Variants in SLC30A8 observed in about 807,000 individuals in gnomAD.
SLC30A8 encodes the protein solute carrier family 30 member 8, also known as proton-coupled zinc antiporter SLC30A8.
Under a neutral mutation model 36.9 loss-of-function variants are expected in SLC30A8, and 27 were observed. The ratio of observed to expected loss-of-function variants is 0.73; its 90% CI spans 0.54 to 1.01. The LOEUF (loss-of-function observed/expected upper bound fraction) is 1.01, where lower values mean the gene tolerates loss of function less well. SLC30A8 is among the 50% of genes least tolerant of loss of function. SLC30A8 has a pLI of 0.00. For synonymous variants in SLC30A8, 164 were observed against 172.4 expected (o/e 0.95, Z 0.38); for missense variants, 439 against 452.0 (o/e 0.97, Z 0.26).
At chr8:117,007,519 C>G (rs761434473) in intron 1 of SLC30A8, among the ~76,000 whole-genome samples, 17 of 152,310 alleles carry the variant, frequency 1.1e-4, no homozygotes, top group Middle Eastern at 3.4e-3. Flanking sequence ...TTCAGCCAAA[C>G]AAATGTGTTT....
chr8:117,004,325 T>G (rs188132550), intron 1 of SLC30A8, among the ~76,000 whole-genome samples: 1 of 152,336 alleles, frequency 6.6e-6, no homozygotes, highest in East Asian at 1.9e-4. Flanking sequence ...GGAGACACAT[T>G]TTGAATAGAT....
chr8:117,059,497 A>G (rs971877781), intron 2 of SLC30A8, among the ~76,000 whole-genome samples: 1 of 152,204 alleles, frequency 6.6e-6, no homozygotes, highest in Non-Finnish European at 1.5e-5. Context: ...GGAAAGAACT[A>G]TGCAACTGTC....
At chr8:117,092,985 A>C (rs1230869415) in intron 2 of SLC30A8, among the ~76,000 whole-genome samples, 1 of 152,124 alleles carries the variant, frequency 6.6e-6, no homozygotes, top group Non-Finnish European at 1.5e-5. Context: ...GTGTCAGCTA[A>C]AGGATCTAAG....
intron 1 of SLC30A8, among the ~76,000 whole-genome samples, chr8:117,011,570 A>G (rs1309914890): frequency 1.3e-5 from 2 of 152,220 alleles, no homozygotes; most frequent in Non-Finnish European, 2.9e-5. Flanking sequence ...GCCAGCCTCA[A>G]GGCTCTAGAC....
At chr8:117,099,492 T>C (rs1002652163) in intron 2 of SLC30A8, among the ~76,000 whole-genome samples, 4 of 152,192 alleles carry the variant, frequency 2.6e-5, no homozygotes, top group African/African-American at 9.7e-5. Context: ...ATAGTTTAGC[T>C]TATATGATGG....
chr8:117,074,345 T>C (rs1453708547), intron 2 of SLC30A8, among the ~76,000 whole-genome samples: 1 of 152,198 alleles, frequency 6.6e-6, no homozygotes. Flanking sequence ...GAATCCAAAC[T>C]CTAGCATAGA....
chr8:117,097,412 A>ATATATATATATATAT (rs1290246133), intron 2 of SLC30A8, among the ~76,000 whole-genome samples: 5 of 120,458 alleles, frequency 4.2e-5, no homozygotes, highest in African/African-American at 1.8e-4. Context: ...AAAAAAAAAA[A>ATATATATATATATAT]AAAAAAATAT....
intron 1 of SLC30A8, among the ~76,000 whole-genome samples, chr8:117,032,727 T>C (rs1041647666): frequency 1.3e-5 from 2 of 151,878 alleles, no homozygotes; most frequent in African/African-American, 4.8e-5. Context: ...CCGTCTCTAG[T>C]AAAAGTACAA....
At chr8:117,108,363 G>A (rs1459233317) in intron 2 of SLC30A8, among the ~76,000 whole-genome samples, 2 of 152,094 alleles carry the variant, frequency 1.3e-5, no homozygotes, top group Non-Finnish European at 2.9e-5. Context: ...AGGTACCAAT[G>A]GCCATAACAT....
At chr8:117,076,243 A>T (rs569519238) in intron 2 of SLC30A8, among the ~76,000 whole-genome samples, 1 of 152,344 alleles carries the variant, frequency 6.6e-6, no homozygotes, top group South Asian at 2.1e-4. Flanking sequence ...CTATGAAAAC[A>T]TCCAGGTAAC....
chr8:116,968,301 T>C (rs1464188967), intron 1 of SLC30A8, among the ~76,000 whole-genome samples: 1 of 150,716 alleles, frequency 6.6e-6, no homozygotes, highest in Non-Finnish European at 1.5e-5. Flanking sequence ...ATAGTATAGC[T>C]TATAGCTATA....
At chr8:117,167,911 C>T (rs1823145282) in intron 6 of SLC30A8, among the ~76,000 whole-genome samples, 1 of 152,054 alleles carries the variant, frequency 6.6e-6, no homozygotes, top group African/African-American at 2.4e-5. Context: ...TTAATGGACT[C>T]ACCGTTTCAC....
At chr8:116,957,848 C>T (rs1174524428) in intron 1 of SLC30A8, among the ~76,000 whole-genome samples, 2 of 152,110 alleles carry the variant, frequency 1.3e-5, no homozygotes, top group Admixed American at 1.3e-4. Flanking sequence ...CACTGGGCAA[C>T]CAAAAATCAA....
intron 1 of SLC30A8, among the ~76,000 whole-genome samples, chr8:117,016,299 G>C (rs1235496178): frequency 6.6e-6 from 1 of 152,088 alleles, no homozygotes; most frequent in Non-Finnish European, 1.5e-5. Context: ...GATAATAGAA[G>C]TCGATATTGA....
chr8:117,059,148 T>A, intron 2 of SLC30A8, among the ~76,000 whole-genome samples: 1 of 152,178 alleles, frequency 6.6e-6, no homozygotes, highest in East Asian at 1.9e-4. Flanking sequence ...CCTAAATAGT[T>A]TGAATTTACA....
intron 2 of SLC30A8, among the ~76,000 whole-genome samples, chr8:117,122,014 G>T (rs1470504142): frequency 6.6e-6 from 1 of 151,918 alleles, no homozygotes; most frequent in Non-Finnish European, 1.5e-5. Context: ...AATGTAGTTT[G>T]TCACTATCCT....
chr8:116,983,359 T>C (rs1815340360), intron 1 of SLC30A8, among the ~76,000 whole-genome samples: 1 of 152,164 alleles, frequency 6.6e-6, no homozygotes, highest in Non-Finnish European at 1.5e-5. Context: ...AATTTCTACT[T>C]TTTGAAATTT....
intron 1 of SLC30A8, among the ~76,000 whole-genome samples, chr8:117,025,368 T>A (rs1274767798): frequency 6.6e-6 from 1 of 152,208 alleles, no homozygotes; most frequent in African/African-American, 2.4e-5. Context: ...AAAAGAGTAG[T>A]CAGCATTTCT....
At position 117,030,072 on chromosome 8, in the gene SLC30A8, T is replaced by C. The variant is rs565847727; in HGVS notation, c.-265-9147T>C. Among the ~76,000 whole-genome samples, 62 of 152,234 alleles carry C rather than the reference T, an allele frequency of 4.1e-4. No individual in the cohort carries two copies. The South Asian group carries it at 0.012, about 30-fold the overall frequency. On this transcript the variant is annotated intron_variant, in intron 1 of 10. Transcript: ENST00000427715. ...AGAGCATAGGAAATTCCCTGCAGAT[T>C]ACAGTTCTAAGAATAGCCTAGAAAC...
Sources: allele counts gnomAD v4.1 joint callset (sites outside exome capture counted in the v4.1 genomes callset), GRCh38; gene constraint gnomAD v4.1.1; transcripts MANE v1.5; gene names NCBI Gene and HGNC (gene_info 2026-07-23, HGNC 2026-07-21).